SHROOM3: variants seen among roughly 807,000 people sequenced by gnomAD.
SHROOM3 encodes the protein protein Shroom3.
A neutral mutation model predicts 138.6 loss-of-function variants in SHROOM3; 47 were observed. The observed-to-expected ratio is 0.34, with a 90% CI of 0.27 to 0.43. SHROOM3 has a LOEUF of 0.43. SHROOM3 is among the 20% of genes least tolerant of loss of function. SHROOM3 has a pLI of 1.00. For synonymous variants in SHROOM3, 1,062 were observed against 1,063.3 expected (o/e 1.00, Z 0.02); for missense variants, 2,491 against 2,596.5 (o/e 0.96, Z 0.88).
intron 1 of SHROOM3, among the ~76,000 whole-genome samples, chr4:76,546,120 C>T (rs1733210486): frequency 6.6e-6 from 1 of 150,382 alleles, no homozygotes; most frequent in Admixed American, 6.6e-5. Context: ...CACATTTTCA[C>T]TTGTCAGGGT....
In SHROOM3 at chr4:76,739,674, T is replaced by C; in HGVS notation, c.1501T>C (p.Tyr501His). ...CCCTGCACTGGCCAAGGAGAGTGGA[T>C]ACATAGCCCCTCAGGGAGCATGCAA... is the stretch of plus-strand genomic sequence containing the variant. ...LYPALAKESG[Y>H]IAPQGACNKM... The change falls in exon 5 of 11, where the codon TAC becomes CAC. Residue 501 changes from tyrosine to histidine, a missense_variant. By Grantham distance (83) the Tyr-to-His change is moderately conservative. Coordinates refer to ENST00000296043, the MANE Select transcript of SHROOM3 (RefSeq NM_020859.4). 1 of 1,614,116 alleles carries C rather than the reference T, an allele frequency of 6.2e-7. No homozygotes were observed. Among genetic ancestry groups the C allele is most frequent in the Non-Finnish European group, 8.5e-7 (1 of 1,180,030 alleles).
At chr4:76,568,161 A>G (rs1224519434) in intron 2 of SHROOM3, among the ~76,000 whole-genome samples, 2 of 152,134 alleles carry the variant, frequency 1.3e-5, no homozygotes, top group African/African-American at 4.8e-5. Context: ...TGGCACACAA[A>G]TGTGCTCACT....
chr4:76,441,093 T>TTTTTTG (rs1560506910), intron 1 of SHROOM3, among the ~76,000 whole-genome samples: 3 of 130,658 alleles, frequency 2.3e-5, no homozygotes, highest in Non-Finnish European at 3.3e-5. Flanking sequence ...TTTGTTTTTT[T>TTTTTTG]TTTTTTTTTT....
intron 1 of SHROOM3, among the ~76,000 whole-genome samples, chr4:76,467,528 C>T (rs1189483995): frequency 6.6e-6 from 1 of 152,170 alleles, no homozygotes; most frequent in Admixed American, 6.5e-5. Flanking sequence ...GAGGGACTAA[C>T]TCACACATGA....
intron 9 of SHROOM3, among the ~76,000 whole-genome samples, chr4:76,766,183 C>A (rs1399051154): frequency 6.6e-6 from 1 of 152,200 alleles, no homozygotes; most frequent in East Asian, 1.9e-4. Flanking sequence ...CGGGTTGTTG[C>A]AAGTAGTAAT....
At chr4:76,598,536 G>A (rs1347354414) in intron 2 of SHROOM3, among the ~76,000 whole-genome samples, 1 of 152,182 alleles carries the variant, frequency 6.6e-6, no homozygotes. Context: ...TTAAGTCAGG[G>A]CTGCAGGGCT....
intron 1 of SHROOM3, among the ~76,000 whole-genome samples, chr4:76,536,313 G>A (rs1292984811): frequency 6.6e-6 from 1 of 152,174 alleles, no homozygotes; most frequent in Non-Finnish European, 1.5e-5. Flanking sequence ...AGATTGCCAG[G>A]AATCTCTGGA....
At chr4:76,494,302 C>T (rs1216442868) in intron 1 of SHROOM3, among the ~76,000 whole-genome samples, 5 of 152,162 alleles carry the variant, frequency 3.3e-5, no homozygotes, top group Non-Finnish European at 7.3e-5. Flanking sequence ...ATTCTTCACT[C>T]ACATAGCAAA....
At chr4:76,464,653 G>C (rs1461039885) in intron 1 of SHROOM3, among the ~76,000 whole-genome samples, 2 of 152,148 alleles carry the variant, frequency 1.3e-5, no homozygotes, top group African/African-American at 4.8e-5. Flanking sequence ...AATGTTGGGG[G>C]ATGAACCTGA....
chr4:76,532,981 G>A (rs28489390), intron 1 of SHROOM3, among the ~76,000 whole-genome samples: 89,795 of 151,986 alleles, frequency 0.59, 26,794 homozygotes, highest in South Asian at 0.73. Flanking sequence ...GACAGGTGGC[G>A]TCTATAGTGT....
intron 2 of SHROOM3, among the ~76,000 whole-genome samples, chr4:76,558,413 T>C (rs1305558295): frequency 6.6e-6 from 1 of 152,226 alleles, no homozygotes; most frequent in East Asian, 1.9e-4. Flanking sequence ...TTGATTATTA[T>C]TATTCTGGAT....
chr4:76,718,155 A>G (rs1247728063), intron 3 of SHROOM3, among the ~76,000 whole-genome samples: 1 of 152,198 alleles, frequency 6.6e-6, no homozygotes, highest in African/African-American at 2.4e-5. Flanking sequence ...GACAACATGA[A>G]CTGCTTATAT....
intron 8 of SHROOM3, among the ~76,000 whole-genome samples, 180 bp from the exon 9 acceptor site, chr4:76,759,365 T>C (rs1721921284): frequency 6.6e-6 from 1 of 152,244 alleles, no homozygotes; most frequent in Non-Finnish European, 1.5e-5. Flanking sequence ...CAAGTTTGCC[T>C]GGCTTCAACA....
intron 2 of SHROOM3, among the ~76,000 whole-genome samples, chr4:76,576,603 A>G (rs4380546): frequency 0.39 from 59,045 of 151,852 alleles, 11,714 homozygotes; most frequent in African/African-American, 0.45. Flanking sequence ...GGTGACTATA[A>G]TCCATAATAA....
chr4:76,717,438 T>A (rs926934752), intron 3 of SHROOM3, among the ~76,000 whole-genome samples: 4 of 152,244 alleles, frequency 2.6e-5, no homozygotes, highest in Admixed American at 6.5e-5. Context: ...CTTTTCTTCC[T>A]TTCCCTCTTT....
At chr4:76,722,710 G>T (rs12639700) in intron 3 of SHROOM3, among the ~76,000 whole-genome samples, 5,832 of 151,924 alleles carry the variant, frequency 0.038, 128 homozygotes, top group East Asian at 0.098. Flanking sequence ...TGTTCAATAA[G>T]AATATGATGA....
chr4:76,709,880 G>C (rs765295443), intron 2 of SHROOM3: 38 of 389,902 alleles, frequency 9.7e-5, no homozygotes, highest in Non-Finnish European at 1.6e-4. Flanking sequence ...CTTCCTTTTT[G>C]CTTAGAAAAT....
At chr4:76,632,258 T>C (rs1436460169) in intron 2 of SHROOM3, among the ~76,000 whole-genome samples, 1 of 152,090 alleles carries the variant, frequency 6.6e-6, no homozygotes, top group Non-Finnish European at 1.5e-5. Flanking sequence ...TTTGTATAAA[T>C]AATATTTAAG....
chr4:76,741,118 C>A lies in SHROOM3; in HGVS notation c.2945C>A (p.Pro982His). 1.9e-6 allele frequency: 3 copies of A among 1,551,820 alleles called. No individual in the cohort carries two copies. Among genetic ancestry groups the A allele is most frequent in the Non-Finnish European group, 2.6e-6 (3 of 1,148,556 alleles). ...EASASASPHT[P>H]RERHSVTPAE... ...TCGGCCTCCGCCTCCCCGCACACGC[C>A]CCGGGAGCGGCACAGCGTGACCCCT... The change falls in exon 5 of 11, where the codon CCC becomes CAC. Residue 982 changes from proline (P) to histidine (H), a missense_variant. Pro to His is a moderately conservative substitution (Grantham distance 77). This residue lies in a region of SHROOM3 where 1,733 missense variants were observed against 1,661.6 expected (regional missense o/e 1.04). Transcript: ENST00000296043. This position sits in a 1 kb window ranked among gnomAD's most constrained non-coding sequence, Gnocchi z 6.2.
Sources: allele counts gnomAD v4.1 joint callset (sites outside exome capture counted in the v4.1 genomes callset), GRCh38; gene constraint gnomAD v4.1.1; regional missense constraint gnomAD v4.1.1; non-coding constraint Gnocchi (gnomAD v3.1); transcripts MANE v1.5; gene names NCBI Gene and HGNC (gene_info 2026-07-23, HGNC 2026-07-21).